The following TTPAL variants were observed in gnomAD, a reference collection of about 807,000 sequenced individuals.
TTPAL encodes the protein alpha-tocopherol transfer protein-like.
In TTPAL, 21 loss-of-function variants were observed where a neutral mutation model predicts 28.7. The ratio of observed to expected loss-of-function variants is 0.73; its 90% CI spans 0.52 to 1.06. TTPAL has a LOEUF of 1.06. Ranked by LOEUF, TTPAL falls within the 50% of genes least tolerant of loss-of-function variation. The pLI is 0.00. For synonymous variants in TTPAL, 169 were observed against 171.9 expected (o/e 0.98, Z 0.13); for missense variants, 345 against 425.5 (o/e 0.81, Z 1.67).
rs1892615172 is a variant in TTPAL, at chr20:44,494,201, T to C, written c.*4660T>C. On this transcript the variant is annotated 3_prime_UTR_variant, in exon 5 of 5. Coordinates refer to ENST00000262605, the MANE Select transcript of TTPAL (RefSeq NM_001039199.3). ...GAAATTCCTGTTTCATGGGGCTGTT[T>C]TTCTTTTCATCTCACTGGGCAGCAG... 2 of 151,934 alleles carry C rather than the reference T, an allele frequency of 1.3e-5. No homozygotes were observed. Among genetic ancestry groups the C allele is most frequent in the Admixed American group, 6.6e-5 (1 of 15,128 alleles). 9.4% of individuals were successfully genotyped at this position (151,934 alleles called of 1,614,324 possible).
chr20:44,485,443 C>T (rs2064143211), intron 3 of TTPAL, among the ~76,000 whole-genome samples: 1 of 152,060 alleles, frequency 6.6e-6, no homozygotes, highest in African/African-American at 2.4e-5. Flanking sequence ...GAAAATATAG[C>T]CTGTCACAGC....
intron 2 of TTPAL, among the ~76,000 whole-genome samples, chr20:44,483,325 T>G (rs1487635055): frequency 6.6e-6 from 1 of 152,162 alleles, no homozygotes; most frequent in Non-Finnish European, 1.5e-5. Flanking sequence ...GGGGCTTCAC[T>G]CCCAGGCCAG....
chr20:44,486,404 C>G (rs2064152271), intron 3 of TTPAL, 192 bp from the exon 4 acceptor site: 1 of 476,418 alleles, frequency 2.1e-6, no homozygotes, highest in Non-Finnish European at 3.7e-6. Context: ...TCTTCTAACC[C>G]AGTTTTGGGT....
intron 2 of TTPAL, 24 bp from the exon 3 acceptor site, chr20:44,484,313 A>G (rs1393247063): frequency 6.9e-7 from 1 of 1,441,134 alleles, no homozygotes. Context: ...TCTGTAACAT[A>G]CTGTCAATCT....
intron 2 of TTPAL, among the ~76,000 whole-genome samples, chr20:44,481,612 G>C (rs1159006541): frequency 1.3e-5 from 2 of 152,210 alleles, no homozygotes; most frequent in African/African-American, 4.8e-5. Flanking sequence ...GCCAGGGAAT[G>C]AGAACACACT....
chr20:44,479,649 G>A (rs1272947232), intron 1 of TTPAL, among the ~76,000 whole-genome samples: 1 of 151,948 alleles, frequency 6.6e-6, no homozygotes, highest in Non-Finnish European at 1.5e-5. Context: ...CAAAGTGCTG[G>A]GATTACAGCA....
chr20:44,479,295 C>G (rs2064077294), intron 1 of TTPAL, among the ~76,000 whole-genome samples: 1 of 151,652 alleles, frequency 6.6e-6, no homozygotes, highest in African/African-American at 2.4e-5. Flanking sequence ...GGTTTACATT[C>G]TGAAGATATT....
At chr20:44,486,788 T>C in intron 4 of TTPAL, 82 bp downstream of exon 4, 1 of 802,712 alleles carries the variant, frequency 1.2e-6, no homozygotes, top group Non-Finnish European at 2.0e-6. Flanking sequence ...TTTATTATTT[T>C]TGCCCTGGAA....
At chr20:44,482,397 C>T (rs981624665) in intron 2 of TTPAL, among the ~76,000 whole-genome samples, 4 of 150,574 alleles carry the variant, frequency 2.7e-5, no homozygotes, top group Admixed American at 2.0e-4. Flanking sequence ...CAACCCCCAC[C>T]CCCTGTCTCT....
rs1013132029 is a variant in TTPAL at position 44,491,562 on chromosome 20, T to G, written c.*2021T>G. 1 of 152,348 alleles carries G rather than the reference T, an allele frequency of 6.6e-6. No homozygotes were observed. Among genetic ancestry groups the G allele is most frequent in the Non-Finnish European group, 1.5e-5 (1 of 68,034 alleles). 9.4% of individuals were successfully genotyped at this position (152,348 alleles called of 1,614,324 possible). On this transcript the variant is annotated 3_prime_UTR_variant, in exon 5 of 5. Coordinates refer to ENST00000262605, the MANE Select transcript of TTPAL (RefSeq NM_001039199.3). ...AAATTAAGTTACTTAACCTCATTAA[T>G]ACCAATTCTAGAGAAAGTTCTTTTC... is the stretch of plus-strand genomic sequence containing the variant.
chr20:44,488,555 G>C (rs1403758770), intron 4 of TTPAL, among the ~76,000 whole-genome samples: 1 of 152,162 alleles, frequency 6.6e-6, no homozygotes, highest in Non-Finnish European at 1.5e-5. Flanking sequence ...GTGCTACAGA[G>C]AAAAATAAAG....
intron 4 of TTPAL, among the ~76,000 whole-genome samples, chr20:44,487,901 T>C (rs1255271214): frequency 6.6e-6 from 1 of 152,204 alleles, no homozygotes; most frequent in African/African-American, 2.4e-5. Flanking sequence ...CCCCAGTAGC[T>C]GGGATTACAG....
At chr20:44,481,176 G>C (rs1243445182) in intron 2 of TTPAL, among the ~76,000 whole-genome samples, 1 of 152,166 alleles carries the variant, frequency 6.6e-6, no homozygotes, top group Non-Finnish European at 1.5e-5. Context: ...TTTCATGGCA[G>C]TGATTAGGAT....
At chr20:44,485,491 C>T (rs1459786512) in intron 3 of TTPAL, among the ~76,000 whole-genome samples, 1 of 152,162 alleles carries the variant, frequency 6.6e-6, no homozygotes, top group African/African-American at 2.4e-5. Context: ...TCTGACCCAC[C>T]ACGTGGGGTG....
chr20:44,492,120 A>C lies in TTPAL; in HGVS notation c.*2579A>C, dbSNP rs1568777695. 2 of 152,326 alleles carry C rather than the reference A, an allele frequency of 1.3e-5. No homozygotes were observed. Among genetic ancestry groups the C allele is most frequent in the East Asian group, 1.9e-4 (1 of 5,330 alleles). The allele number at this position is 152,326 out of a possible 1,614,324, so 9.4% of individuals were successfully genotyped here. A position where few individuals can be genotyped will look rare whatever the true frequency, so the allele number is the denominator to read the frequency against. ...TATCAGATAGTTTTGACACCTCAGG[A>C]AACTTGAACCAAGCTGTGAAACCAA... On this transcript the variant is annotated 3_prime_UTR_variant, in exon 5 of 5. Coordinates refer to ENST00000262605, the MANE Select transcript of TTPAL (RefSeq NM_001039199.3).
intron 4 of TTPAL, among the ~76,000 whole-genome samples, chr20:44,487,742 A>C (rs2064165402): frequency 6.6e-6 from 1 of 152,158 alleles, no homozygotes; most frequent in Non-Finnish European, 1.5e-5. Flanking sequence ...TAGGAAGGTC[A>C]CTGCAAAGAC....
rs188181848 is a variant in TTPAL, at chr20:44,487,948, T to C, written c.750+1242T>C. ...CACGCACAGCTAATTTTTGTATTTT[T>C]AGTAGAGATAGGCTTTTACCATGTT... is the stretch of plus-strand genomic sequence containing the variant. On this transcript the variant is annotated intron_variant, in intron 4 of 4. Transcript: ENST00000262605. Among the ~76,000 whole-genome samples, 82 of 152,294 alleles carry C rather than the reference T, an allele frequency of 5.4e-4. No individual in the cohort carries two copies. In the East Asian group the frequency reaches 0.015, roughly 28 times the overall value.
In TTPAL at chr20:44,489,531, CCTG is replaced by C; in HGVS notation, c.1022_1024del (p.Cys341del). On this transcript the variant is annotated inframe_deletion, in exon 5 of 5. Transcript: ENST00000262605. Reference sequence around the variant, plus strand: ...CGAGCTGTGAAGTCACAGCTGTACTCCTGCTACTAGCCCGTCCCCCAGGGTCAC... The same window carrying C: ...CGAGCTGTGAAGTCACAGCTGTACTCCTACTAGCCCGTCCCCCAGGGTCAC... The C allele has an allele frequency of 6.2e-7, 1 of 1,613,328 alleles. No individual in the cohort carries two copies. The highest frequency in any genetic ancestry group is 8.5e-7 in the Non-Finnish European group (1 of 1,179,352).
chr20:44,477,012 A>G (rs1600778799), intron 1 of TTPAL, among the ~76,000 whole-genome samples: 1 of 152,248 alleles, frequency 6.6e-6, no homozygotes, highest in South Asian at 2.1e-4. Flanking sequence ...AGGTGGTGAC[A>G]TGGCAGCTGA....
Sources: gnomAD v4.1 joint callset for allele counts (sites outside exome capture counted in the v4.1 genomes callset) on GRCh38, gnomAD v4.1.1 for gene constraint, MANE v1.5 for transcripts, NCBI Gene and HGNC (gene_info 2026-07-23, HGNC 2026-07-21) for gene names.